The following IRAK4 variants were observed in gnomAD, a reference collection of about 807,000 sequenced individuals.
The protein encoded by IRAK4 is interleukin-1 receptor-associated kinase 4.
In IRAK4, 44 loss-of-function variants were observed where a neutral mutation model predicts 51.8. The observed-to-expected ratio is 0.85, with a 90% CI of 0.67 to 1.09. The LOEUF (loss-of-function observed/expected upper bound fraction) is 1.09. Ranked by LOEUF, IRAK4 falls within the 50% of genes least tolerant of loss-of-function variation. The pLI, the probability that IRAK4 is intolerant of heterozygous loss-of-function variation, is 0.00. For missense variants in IRAK4, 487 were observed against 538.0 expected, an observed-to-expected ratio of 0.91 and a Z score of 0.94; for synonymous variants, 149 against 174.1, an observed-to-expected ratio of 0.86 and a Z score of 1.13.
At chr12:43,777,523 T>C in intron 6 of IRAK4, 107 bp from the exon 7 acceptor site, 1 of 900,252 alleles carries the variant, frequency 1.1e-6, no homozygotes, top group East Asian at 2.8e-5. Context: ...ATATATAACA[T>C]ACTATTTTTT....
intron 11 of IRAK4, 60 bp from the exon 12 acceptor site, chr12:43,786,620 T>C: frequency 1.9e-6 from 3 of 1,608,152 alleles, no homozygotes; most frequent in East Asian, 2.2e-5. Flanking sequence ...TTTTCCAGAG[T>C]GTATATTTTA....
chr12:43,773,286 C>T (rs1940964758), intron 5 of IRAK4, among the ~76,000 whole-genome samples: 3 of 152,112 alleles, frequency 2.0e-5, no homozygotes, highest in Non-Finnish European at 4.4e-5. Flanking sequence ...TACACAAGAT[C>T]ATACATACAA....
At chr12:43,769,394 T>C (rs138313566) in intron 2 of IRAK4, among the ~76,000 whole-genome samples, 1 of 152,304 alleles carries the variant, frequency 6.6e-6, no homozygotes, top group Non-Finnish European at 1.5e-5. Context: ...GCACAGTGGC[T>C]CATGCCTGTA....
chr12:43,777,185 G>A (rs941872355), intron 6 of IRAK4, among the ~76,000 whole-genome samples: 6 of 152,218 alleles, frequency 3.9e-5, no homozygotes, highest in Admixed American at 3.9e-4. Flanking sequence ...GAGGCCAGCA[G>A]TTTGAGACCA....
At chr12:43,777,967 A>G (rs552678951) in intron 7 of IRAK4, among the ~76,000 whole-genome samples, 30 of 152,360 alleles carry the variant, frequency 2.0e-4, no homozygotes, top group African/African-American at 6.7e-4. Flanking sequence ...AGTTAAGACT[A>G]TACTAGGAAG....
At chr12:43,778,004 A>G (rs1245362993) in intron 7 of IRAK4, among the ~76,000 whole-genome samples, 189 bp from the exon 8 acceptor site, 1 of 152,230 alleles carries the variant, frequency 6.6e-6, no homozygotes, top group African/African-American at 2.4e-5. Flanking sequence ...TTATCTTCAA[A>G]TAACAAATGT....
chr12:43,773,743 C>T, intron 5 of IRAK4: 3 of 345,244 alleles, frequency 8.7e-6, no homozygotes, highest in Non-Finnish European at 1.6e-5. Context: ...CATTTTGTTT[C>T]CACAACTCAG....
chr12:43,785,174 G>C (rs958297590), intron 10 of IRAK4, among the ~76,000 whole-genome samples: 2 of 152,020 alleles, frequency 1.3e-5, no homozygotes, highest in Non-Finnish European at 2.9e-5. Context: ...CTCATCTCAG[G>C]ATACTTAATT....
At chr12:43,776,698 AG>A (rs1441646111) in intron 6 of IRAK4, among the ~76,000 whole-genome samples, 3 of 152,230 alleles carry the variant, frequency 2.0e-5, no homozygotes, top group Non-Finnish European at 4.4e-5. Context: ...CATATCCAGG[AG>A]GGGGCAGAAC....
Position 43,786,812 on chromosome 12 carries a change from AAGGCATAGGCTGTTGCAG to A in IRAK4, c.*98_*115del. 4 of 1,044,430 alleles carry A rather than the reference AAGGCATAGGCTGTTGCAG, an allele frequency of 3.8e-6. No homozygotes were observed. Among genetic ancestry groups the A allele is most frequent in the Non-Finnish European group, 5.9e-6 (4 of 676,814 alleles). The allele number at this position is 1,044,430 out of a possible 1,614,324, so 64.7% of individuals were successfully genotyped here. A position where few individuals can be genotyped will look rare whatever the true frequency, so the allele number is the denominator to read the frequency against. On this transcript the variant is annotated 3_prime_UTR_variant, in exon 12 of 12. Transcript: ENST00000613694. ...CTAAATATTCTTCTTTACCTTTAACAAGGCATAGGCTGTTGCAGGACAGTGGTTATTAAAGCATGGGTT... is the reference window on the plus strand; with the variant it reads ...CTAAATATTCTTCTTTACCTTTAACAGACAGTGGTTATTAAAGCATGGGTT...
chr12:43,770,347 T>G (rs1048724909), intron 2 of IRAK4, among the ~76,000 whole-genome samples: 1 of 152,146 alleles, frequency 6.6e-6, no homozygotes, highest in Non-Finnish European at 1.5e-5. Context: ...GAGTCTTAAG[T>G]CATGTGGGAA....
chr12:43,780,341 C>A (rs1297296160), intron 8 of IRAK4, among the ~76,000 whole-genome samples: 1 of 151,898 alleles, frequency 6.6e-6, no homozygotes, highest in East Asian at 1.9e-4. Flanking sequence ...TTTAAGCTGG[C>A]AGAGATTAAG....
intron 1 of IRAK4, among the ~76,000 whole-genome samples, chr12:43,762,497 T>C (rs1425467166): frequency 2.0e-5 from 3 of 152,172 alleles, no homozygotes; most frequent in African/African-American, 7.2e-5. Flanking sequence ...AGAGAGCAAC[T>C]GCAGAGTCTA....
intron 2 of IRAK4, chr12:43,768,498 G>A (rs994806303): frequency 3.3e-5 from 12 of 367,728 alleles, no homozygotes; most frequent in Non-Finnish European, 1.5e-5. Flanking sequence ...AAGTTTTTTG[G>A]GTTAGAATCA....
intron 10 of IRAK4, among the ~76,000 whole-genome samples, chr12:43,784,411 AG>A (rs1296474824): frequency 6.6e-6 from 1 of 152,142 alleles, no homozygotes; most frequent in Non-Finnish European, 1.5e-5. Flanking sequence ...CCACAGGTTA[AG>A]AGCTCAGTCC....
At chr12:43,763,801 T>C (rs1179416541) in intron 1 of IRAK4, among the ~76,000 whole-genome samples, 1 of 152,062 alleles carries the variant, frequency 6.6e-6, no homozygotes, top group African/African-American at 2.4e-5. Context: ...ACTCACTTTT[T>C]CACTATAGCT....
chr12:43,786,670 T>C lies in IRAK4; in HGVS notation c.1348-10T>C. ...TGTGGTTCTTTTGTTTTTTTCTTTCTTTTTAAAAGGTTCAACAGCTGCTGC... is the reference window on the plus strand; with the variant it reads ...TGTGGTTCTTTTGTTTTTTTCTTTCCTTTTAAAAGGTTCAACAGCTGCTGC... On this transcript the variant is annotated splice_polypyrimidine_tract_variant and intron_variant, in intron 11 of 11. Coordinates refer to ENST00000613694, the MANE Select transcript of IRAK4 (RefSeq NM_016123.4). The C allele has an allele frequency of 1.2e-6, 2 of 1,613,028 alleles. No homozygotes were observed. Among genetic ancestry groups the C allele is most frequent in the Non-Finnish European group, 1.7e-6 (2 of 1,179,468 alleles).
chr12:43,768,458 C>T (rs1052382218), intron 2 of IRAK4, 186 bp downstream of exon 2: 7 of 574,638 alleles, frequency 1.2e-5, no homozygotes, highest in Non-Finnish European at 2.2e-5. Context: ...TCCCATATGT[C>T]AATAGGGCTA....
chr12:43,769,840 G>A (rs1214169154), intron 2 of IRAK4, among the ~76,000 whole-genome samples: 1 of 152,160 alleles, frequency 6.6e-6, no homozygotes, highest in Non-Finnish European at 1.5e-5. Flanking sequence ...TTATACCTAT[G>A]TAGTATTTCT....
Sources: gnomAD v4.1 joint callset for allele counts (sites outside exome capture counted in the v4.1 genomes callset) on GRCh38, gnomAD v4.1.1 for gene constraint, MANE v1.5 for transcripts, NCBI Gene and HGNC (gene_info 2026-07-23, HGNC 2026-07-21) for gene names.